ACAD10: variants seen among roughly 807,000 people sequenced by gnomAD.
ACAD10 encodes acyl-CoA dehydrogenase family member 10, also known as ACAD-10.
ACAD10 carries 112 observed loss-of-function variants against 116.8 expected under a neutral mutation model. The ratio of observed to expected loss-of-function variants is 0.96; its 90% CI spans 0.82 to 1.12. The LOEUF (loss-of-function observed/expected upper bound fraction) is 1.12. Ranked by LOEUF, ACAD10 falls within the 50% of genes most tolerant of loss-of-function variation. The pLI, the probability that ACAD10 is intolerant of heterozygous loss-of-function variation, is 0.00. For missense variants in ACAD10, 1,259 were observed against 1,350.2 expected (o/e 0.93, Z 1.06); for synonymous variants, 486 against 510.6 (o/e 0.95, Z 0.65).
intron 19 of ACAD10, among the ~76,000 whole-genome samples, chr12:111,754,611 C>G (rs1593059687): frequency 7.0e-6 from 1 of 143,102 alleles, no homozygotes; most frequent in East Asian, 3.5e-4. Context: ...CCTCAACCAT[C>G]AGGGACCAAC....
At chr12:111,728,223 C>T (rs1267243634) in intron 9 of ACAD10, 80 bp downstream of exon 9, 26 of 1,428,746 alleles carry the variant, frequency 1.8e-5, no homozygotes, top group Non-Finnish European at 2.3e-5. Flanking sequence ...CGTTTTGGGT[C>T]GTTTTGAGTA....
Position 111,710,718 on chromosome 12 carries a change from C to T in ACAD10, c.690+1034C>T, listed in dbSNP as rs543186770. On this transcript the variant is annotated intron_variant, in intron 5 of 20. Coordinates refer to ENST00000313698, the MANE Select transcript of ACAD10 (RefSeq NM_025247.6). ...CCATGTTGCCCAAGCTGGTCTCAAA[C>T]TCCTAAGCTCAGGAAATCTGCCCGC... Among the ~76,000 whole-genome samples, 4 of 152,238 alleles carry T rather than the reference C, an allele frequency of 2.6e-5. No individual in the cohort carries two copies. In the East Asian group the frequency reaches 7.7e-4, roughly 29 times the overall value.
At chr12:111,730,014 T>G in intron 10 of ACAD10, 58 bp downstream of exon 10, 1 of 1,571,346 alleles carries the variant, frequency 6.4e-7, no homozygotes, top group Non-Finnish European at 8.7e-7. Flanking sequence ...CAAGGGGGAA[T>G]TGAGCAATTG....
At chr12:111,737,103 GA>G (rs1889589695) in intron 12 of ACAD10, 99 bp downstream of exon 12, 1 of 1,197,058 alleles carries the variant, frequency 8.4e-7, no homozygotes, top group Admixed American at 2.5e-5. Context: ...AGGCTTTGGA[GA>G]GACCGATTTG....
At position 111,749,182 on chromosome 12, in the gene ACAD10, G is replaced by T. The variant is rs890059950; in HGVS notation, c.2654G>T (p.Gly885Val). The change falls in exon 18 of 21, where the codon GGT becomes GTT. Residue 885 changes from glycine to valine, a missense_variant. Gly to Val is a moderately radical substitution (Grantham distance 109). Coordinates refer to ENST00000313698, the MANE Select transcript of ACAD10 (RefSeq NM_025247.6). ...YGLEDAPGGH[G>V]EVRFEHVRVP... The stretch of plus-strand genomic sequence containing the variant: ...CGTTTGGGTCTTTCAGGTGGCCATG[G>T]TGAAGTCCGATTTGAGCACGTGCGT... 20 of 1,612,940 alleles carry T rather than the reference G, an allele frequency of 1.2e-5. No individual in the cohort carries two copies. Among genetic ancestry groups the T allele is most frequent in the Non-Finnish European group, 1.4e-5 (17 of 1,178,998 alleles).
rs527264370 is a variant in ACAD10, at chr12:111,715,412, C to T, written c.851-409C>T. The T allele has an allele frequency of 2.1e-3, 412 of 197,832 alleles. 14 individuals are homozygous for T. In the South Asian group the frequency reaches 0.04, roughly 19 times the overall value. The allele number at this position is 197,832 out of a possible 1,614,324, so 12.3% of individuals were successfully genotyped here. ...GTCCCAGCAGTGTCAGGCAGAGGGA[C>T]GTGCAAGGGCACCTTTCATCCTCAG... is the stretch of plus-strand genomic sequence containing the variant. On this transcript the variant is annotated intron_variant, in intron 6 of 20. Coordinates refer to ENST00000313698, the MANE Select transcript of ACAD10 (RefSeq NM_025247.6).
At chr12:111,721,846 A>C (rs1156553903) in intron 8 of ACAD10, 107 bp downstream of exon 8, 1 of 915,796 alleles carries the variant, frequency 1.1e-6, no homozygotes, top group African/African-American at 1.7e-5. Context: ...TTTGGGTAGG[A>C]GGGAAAAGAA....
At chr12:111,689,784 C>T (rs990911555) in intron 1 of ACAD10, among the ~76,000 whole-genome samples, 2 of 151,452 alleles carry the variant, frequency 1.3e-5, no homozygotes, top group Non-Finnish European at 2.9e-5. Context: ...GGCACCATCT[C>T]GGCTCACTGC....
At chr12:111,741,667 T>C (rs4766897) in intron 12 of ACAD10, among the ~76,000 whole-genome samples, 119,356 of 152,172 alleles carry the variant, frequency 0.78, 48,137 homozygotes, top group East Asian at 1. Context: ...AGTTTTCTCA[T>C]GTAAAAACAA....
Position 111,748,034 on chromosome 12 carries a change from C to T in ACAD10, c.2486-283C>T, listed in dbSNP as rs1224863858. ...GGGAGCCGAGCCAGCTGGCAGGGATCAAGTAGCGGTTTTCATCCTCTTGTC... is the reference window on the plus strand; with the variant it reads ...GGGAGCCGAGCCAGCTGGCAGGGATTAAGTAGCGGTTTTCATCCTCTTGTC... On this transcript the variant is annotated intron_variant, in intron 16 of 20. Coordinates refer to ENST00000313698, the MANE Select transcript of ACAD10 (RefSeq NM_025247.6). 3.3e-5 allele frequency among the ~76,000 whole-genome samples: 5 copies of T among 152,260 alleles called. No individual in the cohort carries two copies. The South Asian group carries it at 1.0e-3, about 32-fold the overall frequency.
chr12:111,735,069 A>G (rs1411394320), intron 11 of ACAD10, among the ~76,000 whole-genome samples: 1 of 151,656 alleles, frequency 6.6e-6, no homozygotes, highest in Non-Finnish European at 1.5e-5. Flanking sequence ...TAAAAATACA[A>G]AAAAATTAGC....
intron 2 of ACAD10, among the ~76,000 whole-genome samples, chr12:111,695,343 T>G (rs1055541913): frequency 2.8e-4 from 42 of 152,360 alleles, no homozygotes; most frequent in Admixed American, 2.1e-3. Flanking sequence ...TTTTGAACAC[T>G]CAGTAAATCT....
At chr12:111,698,582 A>G (rs1858977872) in intron 2 of ACAD10, among the ~76,000 whole-genome samples, 1 of 151,458 alleles carries the variant, frequency 6.6e-6, no homozygotes, top group South Asian at 2.1e-4. Flanking sequence ...GGTTCAAGCG[A>G]TTCTCCTGCC....
At chr12:111,713,009 A>C (rs1194521424) in intron 6 of ACAD10, among the ~76,000 whole-genome samples, 1 of 152,152 alleles carries the variant, frequency 6.6e-6, no homozygotes, top group Non-Finnish European at 1.5e-5. Flanking sequence ...TTTTGTGAAG[A>C]CGACTTAGAA....
chr12:111,715,515 T>C, intron 6 of ACAD10: 1 of 324,026 alleles, frequency 3.1e-6, no homozygotes, highest in East Asian at 6.0e-5. Context: ...CATGTTTTTA[T>C]TCATGGAGCA....
chr12:111,710,378 A>G (rs1252395338), intron 5 of ACAD10: 1 of 404,546 alleles, frequency 2.5e-6, no homozygotes, highest in Admixed American at 2.7e-5. Context: ...GTGAGCCACC[A>G]TGCCTGGCTT....
intron 14 of ACAD10, 124 bp from the exon 15 acceptor site, chr12:111,746,925 A>AG: frequency 7.6e-7 from 1 of 1,309,878 alleles, no homozygotes; most frequent in South Asian, 1.6e-5. Context: ...GCTTGAGCTG[A>AG]GGAAGTCGAG....
chr12:111,731,776 G>A (rs1193550819), intron 10 of ACAD10, among the ~76,000 whole-genome samples: 4 of 152,204 alleles, frequency 2.6e-5, no homozygotes, highest in African/African-American at 9.6e-5. Context: ...AACTGCTGCA[G>A]CTACTTTGAA....
Position 111,692,766 on chromosome 12 carries a change from C to G in ACAD10, c.57C>G (p.Ala19=), listed in dbSNP as rs143024985. ...GTCTCCAGTGGGTGTGGAGAACAGC[C>G]TTCCTGAAACACACCCAGCGCAGGC... ...SPRLQWVWRT[A]FLKHTQRRHQ... is the part of the protein sequence containing the mutation. Residue 19 remains alanine, a synonymous_variant, in exon 2 of 21, where the codon GCC becomes GCG. Transcript: ENST00000313698. The G allele has an allele frequency of 2.5e-4, 402 of 1,614,090 alleles. No homozygotes were observed. Among genetic ancestry groups the G allele is most frequent in the Non-Finnish European group, 3.3e-4 (385 of 1,180,042 alleles).
Sources: gnomAD v4.1 joint callset for allele counts (sites outside exome capture counted in the v4.1 genomes callset) on GRCh38, gnomAD v4.1.1 for gene constraint, MANE v1.5 for transcripts, NCBI Gene and HGNC (gene_info 2026-07-23, HGNC 2026-07-21) for gene names.